The following FNIP1 variants were observed in gnomAD, a reference collection of about 807,000 sequenced individuals.
The protein encoded by FNIP1 is folliculin interacting protein 1, also known as folliculin-interacting protein 1.
Under a neutral mutation model 124.5 loss-of-function variants are expected in FNIP1, and 40 were observed. That is an observed-to-expected ratio of 0.32 (90% CI 0.25 to 0.42). FNIP1 has a LOEUF of 0.42. Among genes scored for constraint, FNIP1 ranks in the 10% least tolerant of loss-of-function variants. The probability of loss-of-function intolerance (pLI) is 1.00; values close to 1 mark genes in which losing one functional copy is unlikely to be tolerated. For synonymous variants in FNIP1, 472 were observed against 470.6 expected (o/e 1.00, Z -0.04); for missense variants, 1,176 against 1,403.7 (o/e 0.84, Z 2.59).
intron 9 of FNIP1, among the ~76,000 whole-genome samples, chr5:131,705,236 T>TGA (rs1480546441): frequency 6.6e-6 from 1 of 151,568 alleles, no homozygotes; most frequent in East Asian, 1.9e-4. Flanking sequence ...TTTGGGAGGC[T>TGA]GAGGCAAGTG....
In FNIP1 at chr5:131,672,553, C is replaced by A; in HGVS notation, c.1891G>T (p.Glu631Ter). The A allele has an allele frequency of 6.2e-7, 1 of 1,614,024 alleles. No homozygotes were observed. The highest frequency in any genetic ancestry group is 8.5e-7 in the Non-Finnish European group (1 of 1,180,020). Residue 631 changes from glutamate to a stop codon, truncating the protein, a stop_gained, in exon 14 of 18, where the codon GAA becomes TAA. Coordinates refer to ENST00000510461, the MANE Select transcript of FNIP1 (RefSeq NM_133372.3). LOFTEE classifies it high-confidence loss of function. The part of the protein sequence containing the change: ...NVENISQQER[E>*]DIQNSSKELL... ...TCCTTAGAGCTGTTTTGAATATCTT[C>A]TCTCTCTTGTTGTGAAATGTTCTCT...
chr5:131,644,682 A>G lies in FNIP1; in HGVS notation c.*3T>C. Reference sequence around the variant, plus strand: ...CACCAATTTCTAACAATTTTTAGGTATATTAAAGGAGTATTTGTGCAACAT... The same window carrying G: ...CACCAATTTCTAACAATTTTTAGGTGTATTAAAGGAGTATTTGTGCAACAT... On this transcript the variant is annotated 3_prime_UTR_variant, in exon 18 of 18. Coordinates refer to ENST00000510461, the MANE Select transcript of FNIP1 (RefSeq NM_133372.3). 6.2e-7 allele frequency: 1 copy of G among 1,612,772 alleles called. No homozygotes were observed. The highest frequency in any genetic ancestry group is 8.5e-7 in the Non-Finnish European group (1 of 1,179,006).
At chr5:131,678,729 C>T (rs758437354) in intron 12 of FNIP1, among the ~76,000 whole-genome samples, 8 of 152,088 alleles carry the variant, frequency 5.3e-5, no homozygotes, top group Non-Finnish European at 1.0e-4. Flanking sequence ...TGTTTTCTAC[C>T]TCTTTTCTAT....
At chr5:131,659,201 T>C (rs1313455701) in intron 15 of FNIP1, among the ~76,000 whole-genome samples, 13 of 152,162 alleles carry the variant, frequency 8.5e-5, no homozygotes, top group Non-Finnish European at 1.5e-5. Context: ...AATGCCAGGG[T>C]ACATGTTGTT....
At chr5:131,665,810 C>T (rs548389171) in intron 15 of FNIP1, among the ~76,000 whole-genome samples, 8 of 151,462 alleles carry the variant, frequency 5.3e-5, no homozygotes, top group Non-Finnish European at 8.8e-5. Context: ...AGACTGGTCT[C>T]GAACTCTTGA....
At position 131,647,146 on chromosome 5, in the gene FNIP1, A is replaced by C; in HGVS notation, c.3366T>G (p.Ser1122=). 1 of 1,614,172 alleles carries C rather than the reference A, an allele frequency of 6.2e-7. No homozygotes were observed. The highest frequency in any genetic ancestry group is 1.7e-5 in the Admixed American group (1 of 60,016). The part of the protein sequence containing the change: ...QELYFKSKML[S]EYLRGQMRVH... Reference sequence around the variant, plus strand: ...CACGCATCTGCCCCCTCAGGTATTCAGACAGCATTTTACTTTTGAAGTATA... The same window carrying C: ...CACGCATCTGCCCCCTCAGGTATTCCGACAGCATTTTACTTTTGAAGTATA... The change falls in exon 17 of 18, where the codon TCT becomes TCG. Residue 1122 remains serine (S), a synonymous_variant. Coordinates refer to ENST00000510461, the MANE Select transcript of FNIP1 (RefSeq NM_133372.3).
chr5:131,693,774 T>C (rs1380940514), intron 11 of FNIP1, among the ~76,000 whole-genome samples: 1 of 151,952 alleles, frequency 6.6e-6, no homozygotes, highest in Non-Finnish European at 1.5e-5. Flanking sequence ...GACACTATTA[T>C]AAGAAGAAGC....
At chr5:131,662,821 C>A (rs1459140774) in intron 15 of FNIP1, among the ~76,000 whole-genome samples, 2 of 143,002 alleles carry the variant, frequency 1.4e-5, no homozygotes, top group Non-Finnish European at 3.0e-5. Flanking sequence ...CTCACCACAA[C>A]CTTGGCTTCC....
At chr5:131,794,547 C>T (rs1772514171) in intron 1 of FNIP1, among the ~76,000 whole-genome samples, 1 of 152,092 alleles carries the variant, frequency 6.6e-6, no homozygotes, top group Non-Finnish European at 1.5e-5. Context: ...TTCATAATAG[C>T]CCAAATCTGG....
intron 11 of FNIP1, among the ~76,000 whole-genome samples, chr5:131,685,591 G>A (rs1231625596): frequency 6.6e-6 from 1 of 151,770 alleles, no homozygotes; most frequent in Non-Finnish European, 1.5e-5. Context: ...TCAGTAGCTG[G>A]GGCTACAGGC....
chr5:131,678,263 G>A (rs977342228), intron 12 of FNIP1, among the ~76,000 whole-genome samples: 1 of 152,122 alleles, frequency 6.6e-6, no homozygotes, highest in Non-Finnish European at 1.5e-5. Flanking sequence ...AAAGTATTAA[G>A]CAAACTCTGT....
intron 3 of FNIP1, among the ~76,000 whole-genome samples, chr5:131,724,267 T>C (rs1360374745): frequency 2.6e-5 from 4 of 152,220 alleles, no homozygotes; most frequent in African/African-American, 4.8e-5. Flanking sequence ...TGGATCTAGA[T>C]CCTGGAGGAA....
chr5:131,688,647 A>C (rs1470695196), intron 11 of FNIP1, among the ~76,000 whole-genome samples: 3 of 151,174 alleles, frequency 2.0e-5, no homozygotes, highest in African/African-American at 7.3e-5. Context: ...AAGACCAAAT[A>C]ATGCAACAGC....
Position 131,652,790 on chromosome 5 carries a change from C to T in FNIP1, c.3109-791G>A, listed in dbSNP as rs116548373. ...TAGCCTGAGCAACATAGCCAGACCT[C>T]GTCTCTACAAAAAAATCTAAAAAAT... On this transcript the variant is annotated intron_variant, in intron 15 of 17. Transcript: ENST00000510461. 1.9e-3 allele frequency among the ~76,000 whole-genome samples: 293 copies of T among 152,066 alleles called. 4 individuals carry two copies. The highest frequency in any genetic ancestry group is 6.7e-3 in the African/African-American group (278 of 41,466).
intron 1 of FNIP1, among the ~76,000 whole-genome samples, chr5:131,764,088 C>CT (rs1346913603): frequency 5.3e-5 from 8 of 151,500 alleles, no homozygotes; most frequent in Admixed American, 3.9e-4. Context: ...GCCCCCTTGC[C>CT]TTTTTTTTGC....
intron 15 of FNIP1, among the ~76,000 whole-genome samples, chr5:131,653,034 T>G (rs1767086105): frequency 6.6e-6 from 1 of 152,150 alleles, no homozygotes; most frequent in Non-Finnish European, 1.5e-5. Flanking sequence ...ATGGTAAGAT[T>G]CTGTGCTAAC....
chr5:131,670,875 A>G (rs1767729463), intron 14 of FNIP1, among the ~76,000 whole-genome samples: 1 of 152,160 alleles, frequency 6.6e-6, no homozygotes, highest in Non-Finnish European at 1.5e-5. Context: ...TCAGAAAATA[A>G]AATACTCCTT....
intron 16 of FNIP1, among the ~76,000 whole-genome samples, chr5:131,650,568 A>G (rs1216299147): frequency 2.0e-5 from 3 of 152,188 alleles, no homozygotes; most frequent in Non-Finnish European, 4.4e-5. Flanking sequence ...CTGCAAACAG[A>G]GATAATTTTA....
intron 11 of FNIP1, among the ~76,000 whole-genome samples, chr5:131,685,563 TCTC>T (rs1768246540): frequency 6.6e-6 from 1 of 151,416 alleles, no homozygotes; most frequent in East Asian, 1.9e-4. Flanking sequence ...TTCAAGCAAT[TCTC>T]CTGCCTCAGG....
Sources: gnomAD v4.1 joint callset for allele counts (sites outside exome capture counted in the v4.1 genomes callset) on GRCh38, gnomAD v4.1.1 for gene constraint, MANE v1.5 for transcripts, NCBI Gene and HGNC (gene_info 2026-07-23, HGNC 2026-07-21) for gene names.